SYT9: variants seen among roughly 807,000 people sequenced by gnomAD.
SYT9 encodes the protein synaptotagmin 9, also known as synaptotagmin-9.
In SYT9, 22 loss-of-function variants were observed where a neutral mutation model predicts 48.4. The ratio of observed to expected loss-of-function variants is 0.45; its 90% confidence interval spans 0.32 to 0.65. SYT9 has a LOEUF of 0.65. Ranked by LOEUF, SYT9 falls within the 30% of genes least tolerant of loss-of-function variation. The probability of loss-of-function intolerance (pLI) is 0.03; values close to 1 mark genes in which losing one functional copy is unlikely to be tolerated. For missense variants in SYT9, 577 were observed against 622.0 expected (o/e 0.93, Z 0.77); for synonymous variants, 265 against 245.0 (o/e 1.08, Z -0.76).
chr11:7,405,962 C>G lies in SYT9; in HGVS notation c.1045-10080C>G, dbSNP rs1424622900. 2.0e-5 allele frequency among the ~76,000 whole-genome samples: 3 copies of G among 152,148 alleles called. No individual in the cohort carries two copies. In the East Asian group the frequency reaches 5.8e-4, roughly 29 times the overall value. On this transcript the variant is annotated intron_variant, in intron 3 of 6. Transcript: ENST00000318881. Reference sequence around the variant, plus strand: ...TTATTGAGCATCTTTTATTGTTGAACTAGGGGCTGTTCTAGGCAGCTGGGA... The same window carrying G: ...TTATTGAGCATCTTTTATTGTTGAAGTAGGGGCTGTTCTAGGCAGCTGGGA...
In SYT9 at chr11:7,244,224, T is replaced by G. The variant is rs114867823; in HGVS notation, c.49+5308T>G. ...TCTATTTTCTTTAAAGTGAAAGAAA[T>G]GGACTTACAACTTTATAATTGTCCA... On this transcript the variant is annotated intron_variant and NMD_transcript_variant, in intron 1 of 8. Transcript: ENST00000524820. Among the ~76,000 whole-genome samples the G allele has an allele frequency of 5.7e-3, 869 of 152,286 alleles. 7 individuals carry two copies. The highest frequency in any genetic ancestry group is 0.019 in the African/African-American group (805 of 41,548).
At chr11:7,373,531 T>C (rs12807338) in intron 3 of SYT9, among the ~76,000 whole-genome samples, 80,538 of 151,870 alleles carry the variant, frequency 0.53, 22,097 homozygotes, top group South Asian at 0.7. Context: ...GCTTTGTCTC[T>C]GTTCCAGAGG....
chr11:7,345,388 A>G (rs1313513010), intron 3 of SYT9, among the ~76,000 whole-genome samples: 2 of 152,158 alleles, frequency 1.3e-5, no homozygotes, highest in African/African-American at 2.4e-5. Flanking sequence ...TCATTGTTTC[A>G]TATATTTTGT....
rs1847770582 is a variant in SYT9, at chr11:7,438,982, T to G, written c.1467+18347T>G. The G allele has an allele frequency of 2.0e-5, 3 of 152,260 alleles. No individual in the cohort carries two copies. In the South Asian group the frequency reaches 6.2e-4, roughly 32 times the overall value. 9.4% of individuals were successfully genotyped at this position (152,260 alleles called of 1,614,324 possible). A position where few individuals can be genotyped will look rare whatever the true frequency, so the allele number is the denominator to read the frequency against. On this transcript the variant is annotated intron_variant, in intron 6 of 6. Coordinates refer to ENST00000318881, the MANE Select transcript of SYT9 (RefSeq NM_175733.4). ...GTGGGCAGTCTTTGAGCATTTACTC[T>G]AAAGCTCTAAAGGACCCAAAGGTGA...
chr11:7,291,893 T>C (rs556134339), intron 1 of SYT9, among the ~76,000 whole-genome samples: 17 of 152,286 alleles, frequency 1.1e-4, no homozygotes, highest in Admixed American at 5.2e-4. Context: ...GGAAGGGAAG[T>C]GTGCCTAATC....
At chr11:7,257,272 C>T (rs980648636) in intron 1 of SYT9, among the ~76,000 whole-genome samples, 4 of 152,132 alleles carry the variant, frequency 2.6e-5, no homozygotes, top group African/African-American at 9.7e-5. Flanking sequence ...AGCTAGTGCC[C>T]ATATCAACTG....
At chr11:7,311,784 C>G (rs1849138848) in intron 2 of SYT9, among the ~76,000 whole-genome samples, 1 of 152,162 alleles carries the variant, frequency 6.6e-6, no homozygotes, top group Non-Finnish European at 1.5e-5. Flanking sequence ...TCTGCTGCCT[C>G]CCAGTCCTTT....
At chr11:7,402,308 A>C (rs568715170) in intron 3 of SYT9, among the ~76,000 whole-genome samples, 2 of 152,130 alleles carry the variant, frequency 1.3e-5, no homozygotes, top group South Asian at 4.1e-4. Context: ...TGTAGGATGG[A>C]GTATTGATGG....
At chr11:7,420,449 C>T in intron 5 of SYT9, 57 bp from the exon 6 acceptor site, 1 of 1,598,122 alleles carries the variant, frequency 6.3e-7, no homozygotes, top group Non-Finnish European at 8.6e-7. Flanking sequence ...AATTGAGTAG[C>T]TATTGATCTT....
intron 3 of SYT9, among the ~76,000 whole-genome samples, chr11:7,348,635 T>A (rs749815104): frequency 3.7e-4 from 53 of 143,876 alleles, no homozygotes; most frequent in Non-Finnish European, 7.4e-4. Context: ...TCTCAATGCC[T>A]CAGGCTATCT....
rs112885116 is a variant in SYT9, at chr11:7,366,419, C to T, written c.1045-49623C>T. Reference sequence around the variant, plus strand: ...TAAACCTGAGGTCACTCTATGCATACTTCTTTGTAATCTGATGTTTTTCTC... The same window carrying T: ...TAAACCTGAGGTCACTCTATGCATATTTCTTTGTAATCTGATGTTTTTCTC... On this transcript the variant is annotated intron_variant, in intron 3 of 6. Transcript: ENST00000318881. 3.8e-3 allele frequency among the ~76,000 whole-genome samples: 580 copies of T among 152,246 alleles called. 1 individual carries two copies. Among genetic ancestry groups the T allele is most frequent in the Non-Finnish European group, 6.9e-3 (470 of 68,006 alleles).
At chr11:7,370,634 T>C (rs576104802) in intron 3 of SYT9, among the ~76,000 whole-genome samples, 1 of 152,292 alleles carries the variant, frequency 6.6e-6, no homozygotes, top group African/African-American at 2.4e-5. Context: ...AGCAACCCTA[T>C]GCTCACTCAA....
chr11:7,387,197 T>C (rs1346445182), intron 3 of SYT9, among the ~76,000 whole-genome samples: 1 of 152,032 alleles, frequency 6.6e-6, no homozygotes, highest in Non-Finnish European at 1.5e-5. Flanking sequence ...TTAGGAGATA[T>C]ACCTAATGTT....
chr11:7,273,299 T>A (rs545013347), intron 1 of SYT9, among the ~76,000 whole-genome samples: 13 of 151,194 alleles, frequency 8.6e-5, no homozygotes, highest in Admixed American at 8.6e-4. Context: ...TGATAGTGAT[T>A]GCATTCATTA....
chr11:7,330,790 G>A (rs570740376), intron 3 of SYT9, among the ~76,000 whole-genome samples: 45 of 152,174 alleles, frequency 3.0e-4, no homozygotes, highest in African/African-American at 9.9e-4. Context: ...TTTGCCTCCC[G>A]GGTTCAAGCG....
At chr11:7,401,240 T>C (rs1846886850) in intron 3 of SYT9, among the ~76,000 whole-genome samples, 1 of 151,908 alleles carries the variant, frequency 6.6e-6, no homozygotes, top group East Asian at 1.9e-4. Context: ...GTGTAAGATA[T>C]ATCTGAAATA....
At chr11:7,379,082 A>G (rs944876681) in intron 3 of SYT9, among the ~76,000 whole-genome samples, 8 of 152,164 alleles carry the variant, frequency 5.3e-5, no homozygotes, top group Non-Finnish European at 1.5e-5. Flanking sequence ...TTGTAAAAAA[A>G]TGAAAATAAA....
chr11:7,318,138 C>G (rs967229387), intron 3 of SYT9, among the ~76,000 whole-genome samples: 19 of 152,056 alleles, frequency 1.2e-4, no homozygotes, highest in Non-Finnish European at 2.2e-4. Flanking sequence ...TATTCAAAGC[C>G]TATAATTTTC....
Position 7,356,936 on chromosome 11 carries a change from T to G in SYT9, c.1044+42995T>G, listed in dbSNP as rs150975006. 1.7e-3 allele frequency among the ~76,000 whole-genome samples: 258 copies of G among 152,296 alleles called. 1 individual carries two copies. Among genetic ancestry groups the G allele is most frequent in the African/African-American group, 5.9e-3 (246 of 41,556 alleles). On this transcript the variant is annotated intron_variant, in intron 3 of 6. Coordinates refer to ENST00000318881, the MANE Select transcript of SYT9 (RefSeq NM_175733.4). Reference sequence around the variant, plus strand: ...GAATGGTGGACCGTAAGCAAATGATTACACAGATTGTTATTTAATTAAAAT... The same window carrying G: ...GAATGGTGGACCGTAAGCAAATGATGACACAGATTGTTATTTAATTAAAAT...
Sources: allele counts gnomAD v4.1 joint callset (sites outside exome capture counted in the v4.1 genomes callset), GRCh38; gene constraint gnomAD v4.1.1; transcripts MANE v1.5; gene names NCBI Gene and HGNC (gene_info 2026-07-23, HGNC 2026-07-21).